FAM161B: variants seen among roughly 807,000 people sequenced by gnomAD.
FAM161B encodes protein FAM161B.
A neutral mutation model predicts 61.5 loss-of-function variants in FAM161B; 46 were observed. That is an observed-to-expected ratio of 0.75 (90% confidence interval 0.59 to 0.96). FAM161B has a LOEUF of 0.96. FAM161B is among the 40% of genes least tolerant of loss of function. The pLI, the probability that FAM161B is intolerant of heterozygous loss-of-function variation, is 0.00. For missense variants in FAM161B, 774 were observed against 800.7 expected (o/e 0.97, Z 0.40); for synonymous variants, 284 against 302.7 (o/e 0.94, Z 0.64).
At chr14:73,925,302 A>G in the FAM161B span, among the ~76,000 whole-genome samples, 1 of 151,816 alleles carries the variant, frequency 6.6e-6, no homozygotes, top group Non-Finnish European at 1.5e-5. Flanking sequence ...TCTTGTCTTC[A>G]TTTTTCTATT....
chr14:73,945,419 ATTT>A (rs924366686), intron 2 of FAM161B, among the ~76,000 whole-genome samples: 8 of 151,514 alleles, frequency 5.3e-5, no homozygotes, highest in African/African-American at 1.9e-4. Flanking sequence ...GCTTCCCTGT[ATTT>A]TTTTTTATTT....
chr14:73,929,722 T>G (rs563446340), downstream of FAM161B, among the ~76,000 whole-genome samples: 19 of 151,448 alleles, frequency 1.3e-4, no homozygotes, highest in Non-Finnish European at 2.2e-4. Flanking sequence ...GAGGCTGAGG[T>G]GAGAGGATCA....
In FAM161B at chr14:73,950,021, G is replaced by A. The variant is rs1338792794; in HGVS notation, c.6C>T (p.Thr2=). The A allele has an allele frequency of 1.9e-6, 3 of 1,612,520 alleles. No individual in the cohort carries two copies. The African/African-American group carries it at 4.0e-5, about 22-fold the overall frequency. The change falls in exon 1 of 9, where the codon ACC becomes ACT. Residue 2 remains threonine (T), a synonymous_variant. Coordinates refer to ENST00000286544, the MANE Select transcript of FAM161B (RefSeq NM_152445.3). ...CGGGGGCTCCCTCAGGCCTCCCCACGGTCATTTCAGCTGGACAGAGGCAGC... is the reference window on the plus strand; with the variant it reads ...CGGGGGCTCCCTCAGGCCTCCCCACAGTCATTTCAGCTGGACAGAGGCAGC... M[T]VGRPEGAPGG... is the part of the protein sequence containing the mutation.
At position 73,948,264 on chromosome 14, in the gene FAM161B, G is replaced by C. The variant is rs528746193; in HGVS notation, c.55-1659C>G. ...TTCAAAAGGTGAGAAGAATAAAGTA[G>C]GGTGGGTAAGTAATTGATCAGTAAG... is the stretch of plus-strand genomic sequence containing the variant. On this transcript the variant is annotated intron_variant, in intron 1 of 8. Transcript: ENST00000286544. Among the ~76,000 whole-genome samples the C allele has an allele frequency of 5.9e-5, 9 of 152,340 alleles. No homozygotes were observed. In the South Asian group the frequency reaches 1.9e-3, roughly 32 times the overall value.
intron 3 of FAM161B, 94 bp from the exon 4 acceptor site, chr14:73,942,809 G>A (rs2056031537): frequency 2.6e-6 from 3 of 1,137,600 alleles, no homozygotes; most frequent in Admixed American, 5.4e-5. Flanking sequence ...AGCTGTAAGT[G>A]TTACTGGAGG....
At chr14:73,943,108 C>T (rs74062573) in intron 3 of FAM161B, among the ~76,000 whole-genome samples, 5,136 of 152,188 alleles carry the variant, frequency 0.034, 183 homozygotes, top group African/African-American at 0.087. Context: ...CCCAGGTTTC[C>T]CCATCTGAGA....
chr14:73,942,495 G>A lies in FAM161B; in HGVS notation c.1146C>T (p.Phe382=), dbSNP rs1334481853. 2.5e-6 allele frequency: 4 copies of A among 1,614,184 alleles called. No individual in the cohort carries two copies. The highest frequency in any genetic ancestry group is 2.5e-6 in the Non-Finnish European group (3 of 1,180,024). ...CTCTTCTTTTGGCTGCTCTTCTCTG[G>A]AAGGCCTTGTAAAGGCCCTCATAGT... ...VPDYEGLYKA[F]QRRAAKRRET... The change falls in exon 4 of 9, where the codon TTC becomes TTT. Residue 382 remains phenylalanine (F), a synonymous_variant. Coordinates refer to ENST00000286544, the MANE Select transcript of FAM161B (RefSeq NM_152445.3).
downstream of FAM161B, among the ~76,000 whole-genome samples, chr14:73,929,347 C>CA (rs910478111): frequency 1.3e-5 from 2 of 152,094 alleles, no homozygotes; most frequent in Non-Finnish European, 2.9e-5. Flanking sequence ...GCTATTTCTC[C>CA]AGTGAGTGAG....
chr14:73,930,789 CA>C (rs2055900326), downstream of FAM161B, among the ~76,000 whole-genome samples: 2 of 152,088 alleles, frequency 1.3e-5, no homozygotes, highest in African/African-American at 4.8e-5. Flanking sequence ...CTTGTAGAGA[CA>C]GGGCCTCACT....
rs200249681 is a variant in FAM161B at position 73,937,625 on chromosome 14, A to G, written c.1642T>C (p.Tyr548His). 5.6e-6 allele frequency: 9 copies of G among 1,613,930 alleles called. No homozygotes were observed. The highest frequency in any genetic ancestry group is 6.8e-6 in the Non-Finnish European group (8 of 1,179,970). ...EMKQRIQTRP[Y>H]LFEQVAKDLA... ...ACCTTGGCAACTTGTTCAAAGAGATAGGGCCTTGTTTGTATTCGCTGCTTC... is the reference window on the plus strand; with the variant it reads ...ACCTTGGCAACTTGTTCAAAGAGATGGGGCCTTGTTTGTATTCGCTGCTTC... Residue 548 changes from tyrosine to histidine, a missense_variant, in exon 7 of 9, where the codon TAT becomes CAT. Tyr to His is a moderately conservative substitution (Grantham distance 83, BLOSUM62 2). Coordinates refer to ENST00000286544, the MANE Select transcript of FAM161B (RefSeq NM_152445.3).
chr14:73,933,528 G>T lies in FAM161B; in HGVS notation c.*728C>A, dbSNP rs535954291. The T allele has an allele frequency of 1.3e-5, 2 of 152,284 alleles. No homozygotes were observed. The highest frequency in any genetic ancestry group is 4.8e-5 in the African/African-American group (2 of 41,534). The allele number at this position is 152,284 out of a possible 1,614,324, so 9.4% of individuals were successfully genotyped here. A position where few individuals can be genotyped will look rare whatever the true frequency, so the allele number is the denominator to read the frequency against. On this transcript the variant is annotated 3_prime_UTR_variant, in exon 9 of 9. Transcript: ENST00000286544. ...TTTCTAAGTAATTTTTAAATTAGTT[G>T]ATAGCATACAAATTTCTGGCTTGAT... is the stretch of plus-strand genomic sequence containing the variant.
intron 7 of FAM161B, 28 bp downstream of exon 7, chr14:73,937,570 CAGAA>C: frequency 6.3e-7 from 1 of 1,587,414 alleles, no homozygotes; most frequent in Non-Finnish European, 8.6e-7. Context: ...TTATCTAAGG[CAGAA>C]AGAAAACAAA....
At chr14:73,940,169 T>A (rs1421973396) in intron 5 of FAM161B, among the ~76,000 whole-genome samples, 3 of 152,174 alleles carry the variant, frequency 2.0e-5, no homozygotes, top group African/African-American at 7.2e-5. Flanking sequence ...CACCATGACC[T>A]CTCTTGCCTA....
chr14:73,949,916 C>A, intron 1 of FAM161B, 57 bp downstream of exon 1: 1 of 1,605,058 alleles, frequency 6.2e-7, no homozygotes. Flanking sequence ...AAGGCAACGC[C>A]CAACAGTTTC....
rs1178904463 is a variant in FAM161B, at chr14:73,949,999, G to A, written c.28C>T (p.Pro10Ser). The A allele has an allele frequency of 1.2e-6, 2 of 1,613,280 alleles. No individual in the cohort carries two copies. Among genetic ancestry groups the A allele is most frequent in the South Asian group, 2.2e-5 (2 of 91,072 alleles). Reference protein sequence around the residue: MTVGRPEGAPGGAEGSRQIF... With the variant: MTVGRPEGASGGAEGSRQIF... Reference sequence around the variant, plus strand: ...TGACGGCTCCCCTCCGCGCCTCCGGGGGCTCCCTCAGGCCTCCCCACGGTC... The same window carrying A: ...TGACGGCTCCCCTCCGCGCCTCCGGAGGCTCCCTCAGGCCTCCCCACGGTC... The change falls in exon 1 of 9, where the codon CCC becomes TCC. Residue 10 changes from proline (P) to serine (S), a missense_variant. By Grantham distance (74) the Pro-to-Ser change is moderately conservative. Transcript: ENST00000286544.
intron 2 of FAM161B, 55 bp from the exon 3 acceptor site, chr14:73,944,940 C>A: frequency 7.2e-7 from 1 of 1,394,114 alleles, no homozygotes; most frequent in South Asian, 1.6e-5. Flanking sequence ...AGGCCCTGCT[C>A]CCTCCAGACC....
Position 73,944,649 on chromosome 14 carries a change from C to T in FAM161B, c.611G>A (p.Arg204Lys), listed in dbSNP as rs769331900. 1.2e-6 allele frequency: 2 copies of T among 1,613,932 alleles called. No homozygotes were observed. The highest frequency in any genetic ancestry group is 2.2e-5 in the South Asian group (2 of 91,072). Residue 204 changes from arginine to lysine, a missense_variant, in exon 3 of 9, where the codon AGG (arginine) becomes AAG (lysine). By Grantham distance (26) the Arg-to-Lys change is conservative (BLOSUM62 2). Coordinates refer to ENST00000286544, the MANE Select transcript of FAM161B (RefSeq NM_152445.3). ...SFEQERQRAQ[R>K]QGEEEAECHR... ...GCACTCGGCCTCTTCCTCACCCTGC[C>T]TCTGGGCCCGCTGCCTCTCCTGCTC... is the stretch of plus-strand genomic sequence containing the variant.
chr14:73,943,222 CCT>C (rs2056034342), intron 3 of FAM161B, among the ~76,000 whole-genome samples: 1 of 152,166 alleles, frequency 6.6e-6, no homozygotes, highest in Non-Finnish European at 1.5e-5. Context: ...TCCTCTTTAA[CCT>C]CTCTCCAGTC....
chr14:73,944,617 G>T lies in FAM161B; in HGVS notation c.643C>A (p.Gln215Lys). ...QGEEEAECHR[Q>K]FRAQPVPAHV... ...GCAGGCACAGGCTGTGCCCGGAACT[G>T]CCTGTGGCACTCGGCCTCTTCCTCA... Residue 215 changes from glutamine to lysine, a missense_variant, in exon 3 of 9, where the codon CAG (glutamine) becomes AAG (lysine). Physicochemically the swap from Gln to Lys is moderately conservative, Grantham distance 53. Transcript: ENST00000286544. 1 of 1,614,054 alleles carries T rather than the reference G, an allele frequency of 6.2e-7. No individual in the cohort carries two copies. Among genetic ancestry groups the T allele is most frequent in the Non-Finnish European group, 8.5e-7 (1 of 1,180,012 alleles).
Sources: allele counts gnomAD v4.1 joint callset (sites outside exome capture counted in the v4.1 genomes callset), GRCh38; gene constraint gnomAD v4.1.1; transcripts MANE v1.5; gene names NCBI Gene and HGNC (gene_info 2026-07-23, HGNC 2026-07-21).